DCX: variants seen among roughly 807,000 people sequenced by gnomAD.
DCX encodes the protein neuronal migration protein doublecortin.
In DCX, 4 loss-of-function variants were observed where a neutral mutation model predicts 20.9. The ratio of observed to expected loss-of-function variants is 0.19; its 90% CI spans 0.09 to 0.44. The LOEUF (loss-of-function observed/expected upper bound fraction) is 0.44. DCX is among the 20% of genes least tolerant of loss of function. The pLI, the probability that DCX is intolerant of heterozygous loss-of-function variation, is 0.99. For missense variants in DCX, 133 were observed against 296.9 expected (o/e 0.45, Z 4.06); for synonymous variants, 103 against 111.4 (o/e 0.92, Z 0.47).
chrX:111,313,977 T>G (rs1337253147), intron 5 of DCX, among the ~76,000 whole-genome samples: 1 of 110,629 alleles, frequency 9.0e-6, no homozygotes, highest in Non-Finnish European at 1.9e-5. Context: ...GATGGCCTGA[T>G]AGTGTTCCTG....
chrX:111,382,826 T>C (rs994277608), intron 3 of DCX, among the ~76,000 whole-genome samples: 1 of 111,317 alleles, frequency 9.0e-6, no homozygotes, highest in African/African-American at 3.3e-5. Flanking sequence ...TGGGCATGCA[T>C]AGGGAATCAT....
intron 3 of DCX, among the ~76,000 whole-genome samples, chrX:111,386,634 G>C (rs1329666195): frequency 9.0e-6 from 1 of 110,755 alleles, no homozygotes; most frequent in Non-Finnish European, 1.9e-5. Flanking sequence ...ATTACAGTTG[G>C]GGTTGACATA....
intron 5 of DCX, among the ~76,000 whole-genome samples, chrX:111,329,303 TGCTTGATTGGTCTCTA>T (rs1308246102): frequency 3.6e-5 from 4 of 112,017 alleles, no homozygotes; most frequent in African/African-American, 9.7e-5. Flanking sequence ...ATTATCTAAA[TGCTTGATTGGTCTCTA>T]GCACCATGTT....
chrX:111,406,356 A>T (rs933715012), intron 2 of DCX, among the ~76,000 whole-genome samples: 1 of 112,291 alleles, frequency 8.9e-6, no homozygotes, highest in African/African-American at 3.2e-5. Context: ...CCTTACTAAC[A>T]TAATCATTGT....
chrX:111,356,205 G>C, intron 3 of DCX, among the ~76,000 whole-genome samples: 1 of 112,767 alleles, frequency 8.9e-6, no homozygotes, highest in East Asian at 2.8e-4. Flanking sequence ...AGGGTTGATG[G>C]AAGGCATGCC....
At position 111,298,771 on chromosome X, in the gene DCX, T is replaced by C. The variant is rs2095027135; in HGVS notation, c.*2916A>G. The C allele has an allele frequency of 8.9e-6, 1 of 112,479 alleles. No individual in the cohort carries two copies. Among genetic ancestry groups the C allele is most frequent in the African/African-American group, 3.2e-5 (1 of 30,833 alleles). 9.3% of individuals were successfully genotyped at this position (112,479 alleles called of 1,213,427 possible). Reference sequence around the variant, plus strand: ...GACACAAAGCAGTCATGCTAATGGCTATCCTTTCCAAAACAGTGAAGAGAA... The same window carrying C: ...GACACAAAGCAGTCATGCTAATGGCCATCCTTTCCAAAACAGTGAAGAGAA... On this transcript the variant is annotated 3_prime_UTR_variant, in exon 7 of 7. Coordinates refer to ENST00000636035, the MANE Select transcript of DCX (RefSeq NM_001195553.2).
intron 5 of DCX, among the ~76,000 whole-genome samples, chrX:111,323,603 G>GTTTTTTT (rs780794851): frequency 9.6e-5 from 5 of 52,175 alleles, no homozygotes; most frequent in Admixed American, 2.3e-4. Flanking sequence ...TATTATTTCT[G>GTTTTTTT]TTTTTTTTTT....
Position 111,301,622 on chromosome X carries a change from A to G in DCX, c.*65T>C. ...CAATAGCCCTGTTGGACACTTGAGC[A>G]GAAGTACCCTACTACAATGATAGGC... On this transcript the variant is annotated 3_prime_UTR_variant, in exon 7 of 7. Transcript: ENST00000636035. 1 of 1,089,521 alleles carries G rather than the reference A, an allele frequency of 9.2e-7. No individual in the cohort carries two copies. Among genetic ancestry groups the G allele is most frequent in the African/African-American group, 1.8e-5 (1 of 55,518 alleles). 89.8% of individuals were successfully genotyped at this position (1,089,521 alleles called of 1,213,427 possible). A position where few individuals can be genotyped will look rare whatever the true frequency, so the allele number is the denominator to read the frequency against.
At chrX:111,369,506 T>C (rs144655755) in intron 3 of DCX, among the ~76,000 whole-genome samples, 1,918 of 111,633 alleles carry the variant, frequency 0.017, 17 homozygotes, top group Non-Finnish European at 0.027. Flanking sequence ...ACTTTCTCTA[T>C]ATACAGTAAT....
chrX:111,411,892 C>T (rs1315768370), intron 1 of DCX: 1 of 111,940 alleles, frequency 8.9e-6, no homozygotes, highest in African/African-American at 3.3e-5. Context: ...GCCAGTAAGG[C>T]TTTGCTTTGC....
intron 1 of DCX, chrX:111,410,801 A>G: frequency 8.3e-7 from 1 of 1,210,948 alleles, no homozygotes; most frequent in Non-Finnish European, 1.1e-6. Flanking sequence ...ATACATTAAA[A>G]CTGGCATCTG....
chrX:111,380,002 A>G (rs1022844245), intron 3 of DCX, among the ~76,000 whole-genome samples: 3 of 111,549 alleles, frequency 2.7e-5, no homozygotes, highest in Non-Finnish European at 5.7e-5. Flanking sequence ...TATCTATTCA[A>G]GGCTCTGCCA....
chrX:111,377,821 TCTC>T (rs1925658818), intron 3 of DCX, among the ~76,000 whole-genome samples: 2 of 110,908 alleles, frequency 1.8e-5, no homozygotes, highest in Non-Finnish European at 3.8e-5. Context: ...CTTTTCTCCT[TCTC>T]CTTCTCTTTC....
chrX:111,353,180 C>G (rs745326448), intron 3 of DCX, among the ~76,000 whole-genome samples: 1 of 111,351 alleles, frequency 9.0e-6, no homozygotes, highest in African/African-American at 3.3e-5. Flanking sequence ...AATCTCCATC[C>G]CTGAATTTTG....
chrX:111,345,563 C>A (rs1922730048), intron 3 of DCX, among the ~76,000 whole-genome samples: 1 of 111,163 alleles, frequency 9.0e-6, no homozygotes, highest in Non-Finnish European at 1.9e-5. Flanking sequence ...AAACAAACAA[C>A]CCCATGAAAA....
At chrX:111,389,815 C>T (rs1345243341) in intron 3 of DCX, among the ~76,000 whole-genome samples, 4 of 111,807 alleles carry the variant, frequency 3.6e-5, no homozygotes, top group African/African-American at 1.3e-4. Context: ...ACCTCAGCCA[C>T]CTGAGTCCTC....
chrX:111,311,994 T>A (rs761574095), intron 6 of DCX, among the ~76,000 whole-genome samples: 16 of 112,477 alleles, frequency 1.4e-4, no homozygotes, highest in Non-Finnish European at 2.6e-4. Flanking sequence ...CACAGAGATT[T>A]CTGGGTGAGA....
intron 6 of DCX, among the ~76,000 whole-genome samples, chrX:111,304,457 TAG>T (rs2147576713): frequency 8.9e-6 from 1 of 111,758 alleles, no homozygotes; most frequent in African/African-American, 3.3e-5. Context: ...AGCTCCATGG[TAG>T]CCTTGAAAAC....
chrX:111,323,809 G>A (rs760778779), intron 5 of DCX, among the ~76,000 whole-genome samples: 1 of 110,221 alleles, frequency 9.1e-6, no homozygotes, highest in East Asian at 2.9e-4. Flanking sequence ...GAAATGTGGT[G>A]GCACCACACC....
Sources: gnomAD v4.1 joint callset for allele counts (sites outside exome capture counted in the v4.1 genomes callset) on GRCh38, gnomAD v4.1.1 for gene constraint, MANE v1.5 for transcripts, NCBI Gene and HGNC (gene_info 2026-07-23, HGNC 2026-07-21) for gene names.